Variants in LRRC28 observed in about 807,000 individuals in gnomAD.
LRRC28 encodes leucine-rich repeat-containing protein 28.
In LRRC28, 39 loss-of-function variants were observed where a neutral mutation model predicts 45.7. That is an observed-to-expected ratio of 0.85 (90% CI 0.66 to 1.12). The LOEUF is 1.12. Ranked by LOEUF, LRRC28 falls within the 50% of genes most tolerant of loss-of-function variation. The pLI is 0.00. For synonymous variants in LRRC28, 206 were observed against 178.8 expected, an observed-to-expected ratio of 1.15 and a Z score of -1.22; for missense variants, 435 against 438.5, an observed-to-expected ratio of 0.99 and a Z score of 0.07.
At chr15:99,314,413 G>A (rs897036260) in intron 5 of LRRC28, among the ~76,000 whole-genome samples, 1 of 151,228 alleles carries the variant, frequency 6.6e-6, no homozygotes, top group Non-Finnish European at 1.5e-5. Context: ...ACTCCAGCCT[G>A]GGTGACAGAG....
chr15:99,352,545 G>C lies in LRRC28; in HGVS notation c.695+74G>C, dbSNP rs970871939. 1.0e-5 allele frequency: 13 copies of C among 1,249,860 alleles called. No homozygotes were observed. The African/African-American group carries it at 1.8e-4, about 17-fold the overall frequency. The allele number at this position is 1,249,860 out of a possible 1,614,324, so 77.4% of individuals were successfully genotyped here. On this transcript the variant is annotated intron_variant, in intron 7 of 9. Transcript: ENST00000301981. ...GGTACTTCTGTTCAATTTTGTCTTT[G>C]CCCTTGATGATATGCTAAACCAGGT...
intron 3 of LRRC28, among the ~76,000 whole-genome samples, chr15:99,277,015 C>G (rs2081635525): frequency 6.6e-6 from 1 of 152,084 alleles, no homozygotes; most frequent in Non-Finnish European, 1.5e-5. Flanking sequence ...TTTCCTGCAT[C>G]CTCCACGCTT....
chr15:99,278,799 C>A (rs750336192), intron 3 of LRRC28, among the ~76,000 whole-genome samples: 1 of 152,208 alleles, frequency 6.6e-6, no homozygotes, highest in African/African-American at 2.4e-5. Flanking sequence ...AGGTCTCTTA[C>A]GAAGCTGCAG....
At chr15:99,364,604 C>T (rs73464676) in intron 9 of LRRC28, among the ~76,000 whole-genome samples, 2,726 of 152,196 alleles carry the variant, frequency 0.018, 78 homozygotes, top group African/African-American at 0.061. Flanking sequence ...AAAATAGATA[C>T]GTTTATGAGA....
intron 9 of LRRC28, among the ~76,000 whole-genome samples, chr15:99,376,041 G>T (rs537433359): frequency 6.6e-6 from 1 of 152,018 alleles, no homozygotes; most frequent in South Asian, 2.1e-4. Context: ...TAGAAAAGAG[G>T]AAAAGTCTCA....
At chr15:99,382,738 A>G (rs1055601913) in intron 9 of LRRC28, among the ~76,000 whole-genome samples, 4 of 152,042 alleles carry the variant, frequency 2.6e-5, no homozygotes, top group African/African-American at 7.2e-5. Context: ...GTGACTTGGT[A>G]TATGGTCCAT....
chr15:99,307,213 G>GT (rs1488143964), intron 5 of LRRC28, among the ~76,000 whole-genome samples: 3 of 152,190 alleles, frequency 2.0e-5, no homozygotes, highest in African/African-American at 7.2e-5. Context: ...GACACTGTGG[G>GT]TTGGGTAGGG....
intron 7 of LRRC28, among the ~76,000 whole-genome samples, chr15:99,354,219 T>TAATA (rs1285937897): frequency 1.3e-5 from 2 of 152,196 alleles, no homozygotes; most frequent in African/African-American, 4.8e-5. Context: ...GCCACTGTAT[T>TAATA]CCTAAGCAAA....
intron 1 of LRRC28, among the ~76,000 whole-genome samples, chr15:99,254,669 C>G (rs2080964420): frequency 6.6e-6 from 1 of 152,212 alleles, no homozygotes; most frequent in Non-Finnish European, 1.5e-5. Context: ...CAAACCCTTG[C>G]TTTTATCCCT....
In LRRC28 at chr15:99,291,084, A is replaced by G. The variant is rs148960189; in HGVS notation, c.385+3133A>G. ...TAGAATATAGTCATTGCCTTCCATTATATATTCTTAGAGGTTAAGGATGTA... is the reference window on the plus strand; with the variant it reads ...TAGAATATAGTCATTGCCTTCCATTGTATATTCTTAGAGGTTAAGGATGTA... On this transcript the variant is annotated intron_variant, in intron 5 of 9. Transcript: ENST00000301981. 3.9e-4 allele frequency among the ~76,000 whole-genome samples: 59 copies of G among 152,324 alleles called. 1 individual carries two copies. Among genetic ancestry groups the G allele is most frequent in the African/African-American group, 1.3e-3 (55 of 41,580 alleles).
At chr15:99,360,965 C>G (rs1451149568) in intron 7 of LRRC28, 1 of 157,280 alleles carries the variant, frequency 6.4e-6, no homozygotes, top group African/African-American at 2.4e-5. Flanking sequence ...CAACAAAGTA[C>G]TCTTTTTTTT....
chr15:99,348,749 T>C (rs1037086955), intron 6 of LRRC28, among the ~76,000 whole-genome samples: 1 of 122,724 alleles, frequency 8.1e-6, no homozygotes, highest in Non-Finnish European at 1.7e-5. Context: ...TTTTTGTTGT[T>C]TTTTTTTTGT....
At chr15:99,322,027 C>T (rs1249133943) in intron 5 of LRRC28, among the ~76,000 whole-genome samples, 4 of 152,038 alleles carry the variant, frequency 2.6e-5, no homozygotes, top group Non-Finnish European at 5.9e-5. Flanking sequence ...AAAGAGTCTA[C>T]GGTTGGGAGG....
At chr15:99,255,805 A>G (rs940110702) in intron 1 of LRRC28, 93 bp from the exon 2 acceptor site, 5 of 603,954 alleles carry the variant, frequency 8.3e-6, no homozygotes, top group African/African-American at 5.7e-5. Context: ...TATTTTTTTC[A>G]GTGTCTTCAA....
intron 7 of LRRC28, among the ~76,000 whole-genome samples, chr15:99,353,483 C>G (rs1956951323): frequency 6.6e-6 from 1 of 152,140 alleles, no homozygotes; most frequent in African/African-American, 2.4e-5. Flanking sequence ...CCTATACAGG[C>G]TGATGAACTC....
intron 5 of LRRC28, among the ~76,000 whole-genome samples, chr15:99,290,226 T>A (rs1205307966): frequency 6.8e-6 from 1 of 148,098 alleles, no homozygotes; most frequent in Non-Finnish European, 1.5e-5. Flanking sequence ...ACCACTGCAC[T>A]CCAGCCTGGG....
intron 5 of LRRC28, among the ~76,000 whole-genome samples, chr15:99,316,041 G>A (rs956228894): frequency 6.6e-6 from 1 of 152,150 alleles, no homozygotes; most frequent in African/African-American, 2.4e-5. Flanking sequence ...AACAACTTTT[G>A]TGTGCTATTA....
chr15:99,267,924 A>T (rs1324655762), intron 2 of LRRC28, among the ~76,000 whole-genome samples: 1 of 152,206 alleles, frequency 6.6e-6, no homozygotes, highest in Non-Finnish European at 1.5e-5. Flanking sequence ...TCCATAACTT[A>T]ACTCTATTTA....
In LRRC28 at chr15:99,363,242, G is replaced by A. The variant is rs755505960; in HGVS notation, c.1008G>A (p.Thr336=). 10 of 1,613,806 alleles carry A rather than the reference G, an allele frequency of 6.2e-6. No homozygotes were observed. Among genetic ancestry groups the A allele is most frequent in the Middle Eastern group, 1.6e-4 (1 of 6,080 alleles). ...VYPKLFPLRE[T]PMAGLHQWKT... is the part of the protein sequence containing the mutation. ...CCAAGCTCTTTCCCTTGAGAGAGAC[G>A]CCAATGGCAGGGCTGCACCAGTGGT... Residue 336 remains threonine (T), a synonymous_variant, in exon 9 of 10, where the codon ACG becomes ACA. Transcript: ENST00000301981.
Sources: allele counts gnomAD v4.1 joint callset (sites outside exome capture counted in the v4.1 genomes callset), GRCh38; gene constraint gnomAD v4.1.1; transcripts MANE v1.5; gene names NCBI Gene and HGNC (gene_info 2026-07-23, HGNC 2026-07-21).